NRXN3: variants seen among roughly 807,000 people sequenced by gnomAD.
NRXN3 encodes neurexin 3, also known as neurexin III.
Under a neutral mutation model 137.6 loss-of-function variants are expected in NRXN3, and 32 were observed. The observed-to-expected ratio is 0.23, with a 90% CI of 0.18 to 0.31. The LOEUF (loss-of-function observed/expected upper bound fraction) is 0.31, where lower values mean the gene tolerates loss of function less well. Ranked by LOEUF, NRXN3 falls within the 10% of genes least tolerant of loss-of-function variation. The pLI is 1.00. For missense variants in NRXN3, 1,574 were observed against 2,062.5 expected (o/e 0.76, Z 4.59); for synonymous variants, 798 against 784.5 (o/e 1.02, Z -0.29).
At chr14:79,410,204 C>T (rs1363801669) in intron 15 of NRXN3, among the ~76,000 whole-genome samples, 14 of 151,722 alleles carry the variant, frequency 9.2e-5, no homozygotes, top group African/African-American at 7.3e-5. Context: ...CACACACACG[C>T]ACACACACAC....
chr14:78,800,384 C>T (rs562001716), intron 8 of NRXN3, among the ~76,000 whole-genome samples: 48 of 152,152 alleles, frequency 3.2e-4, no homozygotes, highest in Non-Finnish European at 5.1e-4. Context: ...AGTAAATGCT[C>T]AATTTTAGGT....
At chr14:78,870,143 C>G (rs2099097710) in intron 10 of NRXN3, among the ~76,000 whole-genome samples, 1 of 152,160 alleles carries the variant, frequency 6.6e-6, no homozygotes, top group Non-Finnish European at 1.5e-5. Flanking sequence ...ACTAAACTGA[C>G]TTAGCACACT....
intron 4 of NRXN3, among the ~76,000 whole-genome samples, chr14:78,404,155 C>T (rs2092320022): frequency 6.6e-6 from 1 of 151,660 alleles, no homozygotes; most frequent in African/African-American, 2.4e-5. Flanking sequence ...ATGCCTGGCC[C>T]CAGAACAGGG....
chr14:79,590,884 C>T (rs2097797318), intron 16 of NRXN3, among the ~76,000 whole-genome samples: 1 of 152,132 alleles, frequency 6.6e-6, no homozygotes, highest in Non-Finnish European at 1.5e-5. Flanking sequence ...TTGAATTGTT[C>T]TGGCACTTTT....
chr14:79,364,659 A>G (rs1347755245), intron 15 of NRXN3, among the ~76,000 whole-genome samples: 4 of 60,238 alleles, frequency 6.6e-5, no homozygotes, highest in Non-Finnish European at 1.3e-4. Context: ...TGAATCAATT[A>G]GGTAAAAATG....
At chr14:79,308,325 C>T (rs113158643) in intron 15 of NRXN3, among the ~76,000 whole-genome samples, 2 of 152,072 alleles carry the variant, frequency 1.3e-5, no homozygotes, top group African/African-American at 4.8e-5. Context: ...CTCTTTGCCT[C>T]AAGTTCCCAA....
chr14:79,381,941 G>C (rs1388206496), intron 15 of NRXN3, among the ~76,000 whole-genome samples: 1 of 152,148 alleles, frequency 6.6e-6, no homozygotes, highest in Non-Finnish European at 1.5e-5. Context: ...ATTATCCTCT[G>C]AATGAATATT....
chr14:78,638,434 C>T lies in NRXN3; in HGVS notation c.758-6686C>T, dbSNP rs537035229. Among the ~76,000 whole-genome samples, 6 of 152,182 alleles carry T rather than the reference C, an allele frequency of 3.9e-5. No homozygotes were observed. In the South Asian group the frequency reaches 1.2e-3, roughly 32 times the overall value. ...GATCTCTCTTAATGCTTTCTTTGGC[C>T]CTAAAATACATTGTAAGGGAAATGA... On this transcript the variant is annotated intron_variant, in intron 4 of 20. Coordinates refer to ENST00000335750, the MANE Select transcript of NRXN3 (RefSeq NM_001330195.2).
intron 4 of NRXN3, among the ~76,000 whole-genome samples, chr14:78,576,818 G>A (rs758303284): frequency 7.9e-5 from 12 of 151,984 alleles, no homozygotes; most frequent in Non-Finnish European, 5.9e-5. Context: ...TCCTATACTG[G>A]GTCAAAAGAC....
intron 8 of NRXN3, among the ~76,000 whole-genome samples, chr14:78,719,369 T>A (rs141413359): frequency 2.3e-3 from 350 of 152,286 alleles, no homozygotes; most frequent in South Asian, 6.4e-3. Context: ...CTGCTGCTCC[T>A]CTCCATTCGG....
chr14:79,221,941 G>A (rs2069783909), intron 15 of NRXN3, among the ~76,000 whole-genome samples: 1 of 152,168 alleles, frequency 6.6e-6, no homozygotes, highest in South Asian at 2.1e-4. Flanking sequence ...AAGGTGTAAG[G>A]AAGGGGTCCA....
At chr14:79,413,649 C>A (rs1351974696) in intron 15 of NRXN3, among the ~76,000 whole-genome samples, 1 of 151,920 alleles carries the variant, frequency 6.6e-6, no homozygotes, top group African/African-American at 2.4e-5. Flanking sequence ...ATAGAGGGTA[C>A]AACAGATCTT....
intron 10 of NRXN3, among the ~76,000 whole-genome samples, chr14:78,845,705 T>C (rs2099024620): frequency 6.6e-6 from 1 of 152,114 alleles, no homozygotes. Context: ...TGTGGACTTA[T>C]ATACTTGAGA....
chr14:78,182,892 C>T (rs2059933740), intron 1 of NRXN3, among the ~76,000 whole-genome samples: 1 of 152,194 alleles, frequency 6.6e-6, no homozygotes, highest in East Asian at 1.9e-4. Context: ...TAGGAAGCAG[C>T]TGGGTGTGGC....
At chr14:78,423,414 G>A (rs533607268) in intron 4 of NRXN3, among the ~76,000 whole-genome samples, 3 of 152,040 alleles carry the variant, frequency 2.0e-5, no homozygotes, top group Admixed American at 1.3e-4. Flanking sequence ...TGCTAGGAGC[G>A]CTTATACCTC....
chr14:78,986,720 C>G (rs1195761056), intron 14 of NRXN3, among the ~76,000 whole-genome samples: 1 of 152,076 alleles, frequency 6.6e-6, no homozygotes, highest in Non-Finnish European at 1.5e-5. Flanking sequence ...ATGCACACTC[C>G]ATTTAAGAGA....
At chr14:78,691,984 A>G (rs1009229302) in intron 6 of NRXN3, among the ~76,000 whole-genome samples, 28 of 152,332 alleles carry the variant, frequency 1.8e-4, no homozygotes, top group African/African-American at 6.7e-4. Context: ...TTAGTGCTAT[A>G]GAAGTTCCCA....
chr14:79,268,085 T>C (rs1196017886), intron 15 of NRXN3, among the ~76,000 whole-genome samples: 1 of 152,220 alleles, frequency 6.6e-6, no homozygotes, highest in East Asian at 1.9e-4. Flanking sequence ...ACACTTTTTC[T>C]AAACATTGTT....
intron 20 of NRXN3, chr14:79,823,930 G>A (rs2099280623): frequency 2.2e-6 from 1 of 448,350 alleles, no homozygotes; most frequent in Admixed American, 2.4e-5. Context: ...ACACCAGGTG[G>A]TAATGCAGCA....
Sources: gnomAD v4.1 joint callset for allele counts (sites outside exome capture counted in the v4.1 genomes callset) on GRCh38, gnomAD v4.1.1 for gene constraint, MANE v1.5 for transcripts, NCBI Gene and HGNC (gene_info 2026-07-23, HGNC 2026-07-21) for gene names.